RAD51B: variants seen among roughly 807,000 people sequenced by gnomAD.
The protein encoded by RAD51B is DNA repair protein RAD51 homolog 2.
RAD51B carries 38 observed loss-of-function variants against 42.2 expected under a neutral mutation model. The ratio of observed to expected loss-of-function variants is 0.90; its 90% CI spans 0.70 to 1.18. The LOEUF is 1.18. RAD51B is among the 50% of genes most tolerant of loss of function. RAD51B has a pLI of 0.00. For missense variants in RAD51B, 373 were observed against 400.7 expected, an observed-to-expected ratio of 0.93 and a Z score of 0.59; for synonymous variants, 154 against 145.2, an observed-to-expected ratio of 1.06 and a Z score of -0.43.
In RAD51B at chr14:68,151,823, CTTTTTTTTTTTTTTTTTTTT is replaced by C. The variant is rs71129868; in HGVS notation, c.757-140043_757-140024del. 1.1e-3 allele frequency among the ~76,000 whole-genome samples: 43 copies of C among 39,994 alleles called. 1 individual carries two copies. In the South Asian group the frequency reaches 0.011, roughly 10 times the overall value. 26.2% of individuals were successfully genotyped at this position (39,994 alleles called of 152,430 possible). On this transcript the variant is annotated intron_variant, in intron 7 of 10. Coordinates refer to ENST00000471583, the MANE Select transcript of RAD51B (RefSeq NM_133510.4). The stretch of plus-strand genomic sequence containing the variant: ...CAAACATGGACTATAGTTATAAAGA[CTTTTTTTTTTTTTTTTTTTT>C]TTTTTTTTTTTTTTTTTGAGATGGA...
At chr14:68,591,562 A>G (rs892490530) in intron 10 of RAD51B, among the ~76,000 whole-genome samples, 1 of 152,188 alleles carries the variant, frequency 6.6e-6, no homozygotes, top group Non-Finnish European at 1.5e-5. Flanking sequence ...GAGGAGCCTG[A>G]TGGGTCTGAT....
At chr14:68,411,337 A>G (rs2084413831) in intron 8 of RAD51B, 87 bp from the exon 9 acceptor site, 1 of 1,076,930 alleles carries the variant, frequency 9.3e-7, no homozygotes, top group Non-Finnish European at 1.4e-6. Flanking sequence ...TCTCTGGACT[A>G]CTGGCAATGA....
chr14:67,957,577 A>C (rs1371884102), intron 7 of RAD51B, among the ~76,000 whole-genome samples: 1 of 152,230 alleles, frequency 6.6e-6, no homozygotes, highest in Non-Finnish European at 1.5e-5. Flanking sequence ...TTTTAGAGAA[A>C]TAAAACAGGT....
chr14:68,274,864 G>C (rs2081189604), intron 7 of RAD51B, among the ~76,000 whole-genome samples: 1 of 152,184 alleles, frequency 6.6e-6, no homozygotes, highest in South Asian at 2.1e-4. Context: ...GGTTTGATTA[G>C]ATTAGGGTTT....
At chr14:68,042,587 A>G (rs1595306773) in intron 7 of RAD51B, among the ~76,000 whole-genome samples, 1 of 152,158 alleles carries the variant, frequency 6.6e-6, no homozygotes, top group African/African-American at 2.4e-5. Flanking sequence ...TTTCTGCCAC[A>G]TATTTTTGTA....
At chr14:68,456,124 A>G (rs1429950594) in intron 9 of RAD51B, among the ~76,000 whole-genome samples, 1 of 152,212 alleles carries the variant, frequency 6.6e-6, no homozygotes, top group Non-Finnish European at 1.5e-5. Flanking sequence ...AAAATACCTA[A>G]CACAAAGAAT....
intron 10 of RAD51B, among the ~76,000 whole-genome samples, chr14:68,592,829 G>A (rs1335835014): frequency 1.3e-5 from 2 of 152,240 alleles, no homozygotes; most frequent in African/African-American, 2.4e-5. Context: ...CAGCTCCTAT[G>A]TGTGTGCAGG....
At chr14:68,056,211 T>G (rs926489638) in intron 7 of RAD51B, among the ~76,000 whole-genome samples, 1 of 152,076 alleles carries the variant, frequency 6.6e-6, no homozygotes, top group Non-Finnish European at 1.5e-5. Context: ...CAGGTTGGAG[T>G]GTAGTGGCAA....
At chr14:68,542,221 C>G (rs1244349374) in intron 10 of RAD51B, among the ~76,000 whole-genome samples, 2 of 151,930 alleles carry the variant, frequency 1.3e-5, no homozygotes, top group African/African-American at 2.4e-5. Flanking sequence ...ATCCTTATAT[C>G]TAGTAGTTTT....
chr14:68,426,011 T>TTCCTTC (rs1594818106), intron 9 of RAD51B, among the ~76,000 whole-genome samples: 3 of 65,448 alleles, frequency 4.6e-5, no homozygotes, highest in African/African-American at 5.3e-5. Flanking sequence ...TTCCTTCCTT[T>TTCCTTC]CTTTCTTTCT....
chr14:68,276,051 C>G (rs2139604896), intron 7 of RAD51B, among the ~76,000 whole-genome samples: 1 of 152,230 alleles, frequency 6.6e-6, no homozygotes, highest in Admixed American at 6.5e-5. Context: ...TGTTTTCATG[C>G]TTTTCAAAGA....
chr14:68,674,147 C>G (rs1053732163), intron 11 of RAD51B, among the ~76,000 whole-genome samples: 1 of 151,594 alleles, frequency 6.6e-6, no homozygotes, highest in African/African-American at 2.4e-5. Flanking sequence ...ATATACAATA[C>G]TGTACACACA....
intron 10 of RAD51B, chr14:68,627,459 C>T (rs1163940820): frequency 6.6e-6 from 1 of 152,228 alleles, no homozygotes; most frequent in Non-Finnish European, 1.5e-5. Context: ...TCCTTTGAGT[C>T]CTTGCACTCC....
At chr14:68,012,387 G>T (rs143444754) in intron 7 of RAD51B, among the ~76,000 whole-genome samples, 164 of 151,932 alleles carry the variant, frequency 1.1e-3, no homozygotes, top group African/African-American at 3.6e-3. Context: ...GTTAAGAATG[G>T]GTTTATAGTT....
chr14:67,932,445 C>T (rs1015948710), intron 7 of RAD51B, among the ~76,000 whole-genome samples: 4 of 152,074 alleles, frequency 2.6e-5, no homozygotes, highest in African/African-American at 4.8e-5. Flanking sequence ...TTGGTGGTAG[C>T]GGTGGGCTGA....
Position 68,347,879 on chromosome 14 carries a change from A to G in RAD51B, c.853+55899A>G, listed in dbSNP as rs539851003. Among the ~76,000 whole-genome samples, 4 of 152,348 alleles carry G rather than the reference A, an allele frequency of 2.6e-5. 1 individual carries two copies. The highest frequency in any genetic ancestry group is 9.6e-5 in the African/African-American group (4 of 41,580). Reference sequence around the variant, plus strand: ...TTGAGAGAGGACTTTAAAGTGTTAGAGAGTCTAATCTTAGAGCACACTAAA... The same window carrying G: ...TTGAGAGAGGACTTTAAAGTGTTAGGGAGTCTAATCTTAGAGCACACTAAA... On this transcript the variant is annotated intron_variant, in intron 8 of 10. Transcript: ENST00000471583.
intron 9 of RAD51B, among the ~76,000 whole-genome samples, chr14:68,414,100 T>C (rs1240524724): frequency 1.3e-5 from 2 of 152,154 alleles, no homozygotes; most frequent in African/African-American, 4.8e-5. Context: ...CAGGTCAAGC[T>C]GAGCAGACCT....
intron 7 of RAD51B, among the ~76,000 whole-genome samples, chr14:67,888,312 G>C (rs1353994789): frequency 6.6e-6 from 1 of 152,314 alleles, no homozygotes; most frequent in African/African-American, 2.4e-5. Flanking sequence ...TGATCAAGGA[G>C]AATAAGGGAA....
chr14:67,885,251 G>C (rs894657228), intron 5 of RAD51B, among the ~76,000 whole-genome samples: 4 of 152,100 alleles, frequency 2.6e-5, no homozygotes, highest in Non-Finnish European at 5.9e-5. Flanking sequence ...ATTTTAACTT[G>C]TCACTCTCTT....
Sources: allele counts gnomAD v4.1 joint callset (sites outside exome capture counted in the v4.1 genomes callset), GRCh38; gene constraint gnomAD v4.1.1; transcripts MANE v1.5; gene names NCBI Gene and HGNC (gene_info 2026-07-23, HGNC 2026-07-21).